DNAH9: variants seen among roughly 807,000 people sequenced by gnomAD.
DNAH9 encodes the protein dynein axonemal heavy chain 9.
DNAH9 carries 345 observed loss-of-function variants against 471.6 expected under a neutral mutation model. That is an observed-to-expected ratio of 0.73 (90% CI 0.67 to 0.80). The LOEUF (loss-of-function observed/expected upper bound fraction) is 0.80. Ranked by LOEUF, DNAH9 falls within the 30% of genes least tolerant of loss-of-function variation. The pLI is 0.00. For missense variants in DNAH9, 5,407 were observed against 5,609.2 expected (o/e 0.96, Z 1.15); for synonymous variants, 2,093 against 2,123.6 (o/e 0.99, Z 0.40).
intron 59 of DNAH9, among the ~76,000 whole-genome samples, chr17:11,901,753 T>C (rs916838334): frequency 6.6e-5 from 10 of 152,118 alleles, no homozygotes; most frequent in Admixed American, 5.9e-4. Context: ...AGCTAAAATA[T>C]ATATCTGTCA....
intron 50 of DNAH9, among the ~76,000 whole-genome samples, chr17:11,865,627 T>C (rs371686421): frequency 6.6e-6 from 1 of 151,778 alleles, no homozygotes; most frequent in Non-Finnish European, 1.5e-5. Context: ...TCCAACTTGG[T>C]TCCATTCTCC....
intron 19 of DNAH9, among the ~76,000 whole-genome samples, chr17:11,681,347 T>C (rs1008280784): frequency 2.0e-5 from 3 of 152,176 alleles, no homozygotes; most frequent in Admixed American, 1.3e-4. Context: ...CTCTGCTTGG[T>C]TCCAACACCT....
chr17:11,817,872 CATG>C (rs1970157368), intron 45 of DNAH9, among the ~76,000 whole-genome samples: 1 of 151,164 alleles, frequency 6.6e-6, no homozygotes, highest in Non-Finnish European at 1.5e-5. Context: ...TGATCACTTT[CATG>C]ATAATTCATT....
intron 27 of DNAH9, among the ~76,000 whole-genome samples, chr17:11,720,696 ATAATT>A (rs2075041615): frequency 6.6e-6 from 1 of 152,210 alleles, no homozygotes; most frequent in South Asian, 2.1e-4. Flanking sequence ...TTCATCCTCT[ATAATT>A]TAATCATTTC....
chr17:11,706,738 T>C (rs1237562990), intron 26 of DNAH9, among the ~76,000 whole-genome samples: 4 of 152,184 alleles, frequency 2.6e-5, no homozygotes, highest in Admixed American at 2.6e-4. Context: ...ACGTAACTTT[T>C]TTCTATTAAG....
At chr17:11,717,460 G>T (rs2074983426) in intron 26 of DNAH9, among the ~76,000 whole-genome samples, 1 of 151,884 alleles carries the variant, frequency 6.6e-6, no homozygotes, top group Non-Finnish European at 1.5e-5. Context: ...ACATAAAGAT[G>T]GTGTCTTCAG....
rs748170938 is a variant in DNAH9 at position 11,969,285 on chromosome 17, A to G, written c.13234-15A>G. The G allele has an allele frequency of 6.2e-7, 1 of 1,612,064 alleles. No homozygotes were observed. The highest frequency in any genetic ancestry group is 1.1e-5 in the South Asian group (1 of 90,988). On this transcript the variant is annotated splice_polypyrimidine_tract_variant and intron_variant, in intron 68 of 68. Coordinates refer to ENST00000262442, the MANE Select transcript of DNAH9 (RefSeq NM_001372.4). ...GGTCTGATCTAAGGTGCCTCTTCTC[A>G]TGTTTTATCCTCAGGCTGGGATCAT...
intron 66 of DNAH9, among the ~76,000 whole-genome samples, chr17:11,941,531 C>T (rs1055058367): frequency 6.6e-6 from 1 of 152,200 alleles, no homozygotes; most frequent in Non-Finnish European, 1.5e-5. Flanking sequence ...AGAGACCCTA[C>T]TTGTCCTAGC....
At chr17:11,708,012 C>CAGAG (rs2074751655) in intron 26 of DNAH9, among the ~76,000 whole-genome samples, 1 of 50,052 alleles carries the variant, frequency 2.0e-5, no homozygotes, top group African/African-American at 6.5e-5. Context: ...CACACACACA[C>CAGAG]ACAGAGAGAG....
At chr17:11,898,554 T>C (rs1472640931) in intron 59 of DNAH9, among the ~76,000 whole-genome samples, 1 of 152,244 alleles carries the variant, frequency 6.6e-6, no homozygotes, top group Non-Finnish European at 1.5e-5. Flanking sequence ...AGGTTATTTC[T>C]TCAATATATA....
intron 58 of DNAH9, 142 bp from the exon 59 acceptor site, chr17:11,894,232 A>T: frequency 2.0e-6 from 2 of 1,014,036 alleles, no homozygotes; most frequent in East Asian, 2.4e-5. Context: ...ACTTCCTTCC[A>T]CTCTACCCTC....
chr17:11,669,627 C>T lies in DNAH9; in HGVS notation c.3186C>T (p.Ile1062=), dbSNP rs184072165. 36 of 1,614,154 alleles carry T rather than the reference C, an allele frequency of 2.2e-5. No homozygotes were observed. In the African/African-American group the frequency reaches 3.3e-4, roughly 15 times the overall value. The change falls in exon 17 of 69, where the codon ATC becomes ATT. Residue 1062 remains isoleucine, a synonymous_variant. Transcript: ENST00000262442. Reference sequence around the variant, plus strand: ...TCCTTTCTCAGTTTAAAGTGCAAATCGACTCCTATGAAACGCTCTATGAAG... The same window carrying T: ...TCCTTTCTCAGTTTAAAGTGCAAATTGACTCCTATGAAACGCTCTATGAAG... ...PPLLSQFKVQ[I]DSYETLYEEV... is the part of the protein sequence containing the mutation.
At chr17:11,618,323 C>A (rs952469157) in intron 5 of DNAH9, among the ~76,000 whole-genome samples, 2 of 152,132 alleles carry the variant, frequency 1.3e-5, no homozygotes, top group Non-Finnish European at 2.9e-5. Flanking sequence ...CGCGGTGGCT[C>A]ACGCCTGTAA....
intron 26 of DNAH9, among the ~76,000 whole-genome samples, chr17:11,710,462 T>C (rs1457386302): frequency 1.3e-5 from 2 of 152,210 alleles, no homozygotes; most frequent in Non-Finnish European, 1.5e-5. Flanking sequence ...CTCTCACTAG[T>C]AGTTTATTAA....
At chr17:11,689,517 A>G (rs372562089) in intron 19 of DNAH9, 49 bp from the exon 20 acceptor site, 1 of 1,516,792 alleles carries the variant, frequency 6.6e-7, no homozygotes, top group Non-Finnish European at 8.9e-7. Flanking sequence ...ATGCTAGGAG[A>G]TGGGCCCCTG....
chr17:11,624,619 G>A (rs1443408725), intron 6 of DNAH9, among the ~76,000 whole-genome samples: 1 of 152,202 alleles, frequency 6.6e-6, no homozygotes, highest in Middle Eastern at 3.2e-3. Flanking sequence ...AGGTTGGAGA[G>A]GTGTAGCTGA....
intron 44 of DNAH9, 124 bp downstream of exon 44, chr17:11,808,018 C>T: frequency 8.6e-7 from 1 of 1,158,936 alleles, no homozygotes; most frequent in African/African-American, 1.5e-5. Flanking sequence ...CTGTCCATTT[C>T]TGTCTTAGGT....
At chr17:11,675,411 G>A (rs548152722) in intron 17 of DNAH9, among the ~76,000 whole-genome samples, 87 of 151,846 alleles carry the variant, frequency 5.7e-4, no homozygotes, top group Non-Finnish European at 9.1e-4. Context: ...CTTCCTTCTC[G>A]GTCTTTATGC....
intron 39 of DNAH9, among the ~76,000 whole-genome samples, chr17:11,782,630 C>T (rs945146188): frequency 1.3e-5 from 2 of 152,188 alleles, no homozygotes; most frequent in Non-Finnish European, 2.9e-5. Context: ...GGTGCAGTGG[C>T]TTATGCCTGT....
Sources: allele counts gnomAD v4.1 joint callset (sites outside exome capture counted in the v4.1 genomes callset), GRCh38; gene constraint gnomAD v4.1.1; transcripts MANE v1.5; gene names NCBI Gene and HGNC (gene_info 2026-07-23, HGNC 2026-07-21).